The following FRMPD4 variants were observed in gnomAD, a reference collection of about 807,000 sequenced individuals.
FRMPD4 encodes FERM and PDZ domain containing 4, also known as FERM and PDZ domain-containing protein 4.
FRMPD4 carries 22 observed loss-of-function variants against 94.1 expected under a neutral mutation model. That is an observed-to-expected ratio of 0.23 (90% CI 0.17 to 0.33). The LOEUF is 0.33. FRMPD4 is among the 10% of genes least tolerant of loss of function. The pLI, the probability that FRMPD4 is intolerant of heterozygous loss-of-function variation, is 1.00. For synonymous variants in FRMPD4, 631 were observed against 548.6 expected, an observed-to-expected ratio of 1.15 and a Z score of -2.10; for missense variants, 1,111 against 1,339.9, an observed-to-expected ratio of 0.83 and a Z score of 2.67.
intron 3 of FRMPD4, among the ~76,000 whole-genome samples, chrX:11,890,865 G>C (rs766768117): frequency 9.0e-6 from 1 of 111,702 alleles, no homozygotes; most frequent in Admixed American, 9.4e-5. Context: ...CTGGCTTGGT[G>C]AGCTGTCACT....
rs369416368 is a variant in FRMPD4, at chrX:12,055,460, C to T, written c.95+177442C>T. 2.3e-4 allele frequency among the ~76,000 whole-genome samples: 26 copies of T among 111,766 alleles called. No homozygotes were observed. In the East Asian group the frequency reaches 5.6e-3, roughly 24 times the overall value. On this transcript the variant is annotated intron_variant, in intron 3 of 18. Transcript: ENST00000640291. ...ACCCCTCTCTTGCACCTACTCTTGT[C>T]ATTTGAGACACCTGCTCCCCCTTTG...
chrX:12,424,912 C>T (rs947085378), intron 1 of FRMPD4, among the ~76,000 whole-genome samples: 12 of 112,701 alleles, frequency 1.1e-4, no homozygotes, highest in African/African-American at 1.9e-4. Context: ...TTCTATAATG[C>T]GTTTGCTTTG....
In FRMPD4 at chrX:11,856,823, G is replaced by T. The variant is rs983637908; in HGVS notation, c.-160-8263G>T. Among the ~76,000 whole-genome samples, 4 of 111,990 alleles carry T rather than the reference G, an allele frequency of 3.6e-5. No individual in the cohort carries two copies. In the Admixed American group the frequency reaches 3.8e-4, roughly 11 times the overall value. On this transcript the variant is annotated intron_variant, in intron 1 of 18. Transcript: ENST00000640291. ...CTAGAAAACCCCACAGTCTCAGCCC[G>T]AAAGTTTCTTAAGCTGATAAACCAC...
At chrX:12,179,661 C>T (rs748227129) in intron 1 of FRMPD4, among the ~76,000 whole-genome samples, 3 of 111,471 alleles carry the variant, frequency 2.7e-5, no homozygotes, top group Non-Finnish European at 5.7e-5. Context: ...TTGACACCAA[C>T]GCGTGCAGAA....
intron 3 of FRMPD4, among the ~76,000 whole-genome samples, chrX:11,951,811 A>T (rs2054225707): frequency 8.9e-6 from 1 of 111,872 alleles, no homozygotes; most frequent in Non-Finnish European, 1.9e-5. Flanking sequence ...AGGCTGGTAG[A>T]TTGCTTGAGC....
intron 1 of FRMPD4, among the ~76,000 whole-genome samples, chrX:12,203,003 C>A (rs999168384): frequency 1.8e-5 from 2 of 111,940 alleles, no homozygotes; most frequent in African/African-American, 6.5e-5. Flanking sequence ...GGCTTCCATA[C>A]TGTGAGAGAA....
At chrX:12,206,892 A>T (rs1042378010) in intron 1 of FRMPD4, among the ~76,000 whole-genome samples, 9 of 112,490 alleles carry the variant, frequency 8.0e-5, no homozygotes, top group African/African-American at 2.9e-4. Flanking sequence ...CTTTTGACTG[A>T]TAAAAATATT....
chrX:11,956,399 GA>G (rs2054257533), intron 3 of FRMPD4, among the ~76,000 whole-genome samples: 1 of 111,739 alleles, frequency 8.9e-6, no homozygotes, highest in Non-Finnish European at 1.9e-5. Context: ...GTTTGGAGGG[GA>G]GGGGGGAGAT....
chrX:12,138,784 C>A lies in FRMPD4; in HGVS notation c.-188C>A. On this transcript the variant is annotated 5_prime_UTR_variant, in exon 1 of 17. Coordinates refer to ENST00000675598, the MANE Select transcript of FRMPD4 (RefSeq NM_001368397.1). ...TGCTCGGGGATGCACACGCAGCTCG[C>A]GGCCGGAGGGGGGTAGCAGCCGCCG... The A allele has an allele frequency of 2.8e-6, 1 of 361,045 alleles. No individual in the cohort carries two copies. Among genetic ancestry groups the A allele is most frequent in the East Asian group, 4.5e-5 (1 of 22,266 alleles). The allele number at this position is 361,045 out of a possible 1,213,427, so 29.8% of individuals were successfully genotyped here. A position where few individuals can be genotyped will look rare whatever the true frequency, so the allele number is the denominator to read the frequency against.
intron 1 of FRMPD4, among the ~76,000 whole-genome samples, chrX:12,427,742 A>G (rs1336368739): frequency 2.7e-5 from 3 of 111,286 alleles, no homozygotes; most frequent in African/African-American, 9.8e-5. Context: ...CCTGCTCCCC[A>G]GACACAAATA....
At chrX:12,674,796 A>C in intron 4 of FRMPD4, 67 bp from the exon 5 acceptor site, 2 of 705,351 alleles carry the variant, frequency 2.8e-6, no homozygotes, top group Non-Finnish European at 4.6e-6. Flanking sequence ...TTTTGAAAGA[A>C]AACTCTTACT....
chrX:12,278,674 A>G (rs1365044065), intron 1 of FRMPD4, among the ~76,000 whole-genome samples: 1 of 111,784 alleles, frequency 8.9e-6, no homozygotes, highest in African/African-American at 3.3e-5. Context: ...CCTTCATTGC[A>G]AGGACCTGAG....
At chrX:11,834,400 A>G (rs1275682042) in intron 1 of FRMPD4, among the ~76,000 whole-genome samples, 1 of 111,691 alleles carries the variant, frequency 9.0e-6, no homozygotes, top group Non-Finnish European at 1.9e-5. Context: ...TCCAGTCTTG[A>G]TCTCCCTTGA....
intron 3 of FRMPD4, among the ~76,000 whole-genome samples, chrX:11,992,709 C>A (rs946248477): frequency 2.7e-5 from 3 of 111,220 alleles, no homozygotes; most frequent in African/African-American, 9.8e-5. Flanking sequence ...ACTTAGAGGG[C>A]GAAGAAAATT....
chrX:11,961,159 A>G (rs1385062694), intron 3 of FRMPD4, among the ~76,000 whole-genome samples: 1 of 112,025 alleles, frequency 8.9e-6, no homozygotes, highest in Non-Finnish European at 1.9e-5. Context: ...GTGCCATACT[A>G]TGAAACCCTG....
At chrX:12,384,235 G>T (rs1283137676) in intron 1 of FRMPD4, among the ~76,000 whole-genome samples, 6 of 111,870 alleles carry the variant, frequency 5.4e-5, no homozygotes, top group Non-Finnish European at 1.1e-4. Flanking sequence ...AAAATTTAAG[G>T]CCGGGTATGG....
chrX:11,986,466 A>G (rs1451382422), intron 3 of FRMPD4, among the ~76,000 whole-genome samples: 1 of 112,151 alleles, frequency 8.9e-6, no homozygotes, highest in African/African-American at 3.2e-5. Context: ...TGCCTACATC[A>G]AAAAAGAAGA....
At chrX:12,392,728 T>G (rs1214666435) in intron 1 of FRMPD4, among the ~76,000 whole-genome samples, 1 of 110,953 alleles carries the variant, frequency 9.0e-6, no homozygotes, top group African/African-American at 3.3e-5. Flanking sequence ...TTCCTTCCTA[T>G]GTCTGTGAAT....
upstream of FRMPD4, among the ~76,000 whole-genome samples, chrX:12,135,547 T>C (rs2055589076): frequency 1.9e-5 from 2 of 106,286 alleles, no homozygotes; most frequent in Non-Finnish European, 1.9e-5. Flanking sequence ...GAGAGGTGTG[T>C]AAAGACCTGT....
Sources: allele counts gnomAD v4.1 joint callset (sites outside exome capture counted in the v4.1 genomes callset), GRCh38; gene constraint gnomAD v4.1.1; transcripts MANE v1.5; gene names NCBI Gene and HGNC (gene_info 2026-07-23, HGNC 2026-07-21).